JMJD1C: variants seen among roughly 807,000 people sequenced by gnomAD.
JMJD1C encodes jumonji domain-containing protein 1C.
In JMJD1C, 31 loss-of-function variants were observed where a neutral mutation model predicts 245.3. The ratio of observed to expected loss-of-function variants is 0.13; its 90% confidence interval spans 0.09 to 0.17. The LOEUF (loss-of-function observed/expected upper bound fraction) is 0.17. Ranked by LOEUF, JMJD1C falls within the 10% of genes least tolerant of loss-of-function variation. The pLI, the probability that JMJD1C is intolerant of heterozygous loss-of-function variation, is 1.00. For synonymous variants in JMJD1C, 1,057 were observed against 1,017.4 expected, an observed-to-expected ratio of 1.04 and a Z score of -0.74; for missense variants, 2,691 against 3,000.2, an observed-to-expected ratio of 0.90 and a Z score of 2.41.
chr10:63,244,621 A>G (rs1257660137), intron 3 of JMJD1C, among the ~76,000 whole-genome samples: 1 of 152,192 alleles, frequency 6.6e-6, no homozygotes, highest in African/African-American at 2.4e-5. Flanking sequence ...TGAAAAATTC[A>G]AAACAGCTGT....
At chr10:63,414,137 C>A (rs888456805) in intron 1 of JMJD1C, among the ~76,000 whole-genome samples, 1 of 151,880 alleles carries the variant, frequency 6.6e-6, no homozygotes, top group African/African-American at 2.4e-5. Flanking sequence ...CAGGTGTCCG[C>A]CAACACGCCC....
intron 1 of JMJD1C, among the ~76,000 whole-genome samples, chr10:63,439,275 C>T (rs1951226533): frequency 6.6e-6 from 1 of 152,120 alleles, no homozygotes; most frequent in African/African-American, 2.4e-5. Flanking sequence ...GTAGAAACAA[C>T]AGTAAGTTAT....
intron 1 of JMJD1C, among the ~76,000 whole-genome samples, chr10:63,494,994 A>G (rs1001687161): frequency 5.3e-5 from 8 of 152,202 alleles, no homozygotes; most frequent in Non-Finnish European, 1.0e-4. Context: ...CTTCCATACA[A>G]AAGTCAAACA....
chr10:63,284,590 T>A (rs1475342701), intron 2 of JMJD1C, among the ~76,000 whole-genome samples: 1 of 152,170 alleles, frequency 6.6e-6, no homozygotes, highest in African/African-American at 2.4e-5. Flanking sequence ...CACAGTCTGA[T>A]ATAAACAAGA....
intron 14 of JMJD1C, among the ~76,000 whole-genome samples, chr10:63,193,991 CTCTT>C (rs1286664924): frequency 2.6e-5 from 4 of 152,080 alleles, no homozygotes; most frequent in Non-Finnish European, 4.4e-5. Context: ...ATTCTTTTCT[CTCTT>C]TATTAAAAAT....
At chr10:63,348,082 G>T (rs1260491570) in intron 2 of JMJD1C, among the ~76,000 whole-genome samples, 2 of 151,990 alleles carry the variant, frequency 1.3e-5, no homozygotes, top group Non-Finnish European at 2.9e-5. Context: ...CAGGTGTGGT[G>T]GCGCATGCTT....
intron 3 of JMJD1C, among the ~76,000 whole-genome samples, chr10:63,221,072 T>C (rs889938922): frequency 6.8e-6 from 1 of 147,688 alleles, no homozygotes; most frequent in Non-Finnish European, 1.5e-5. Flanking sequence ...ATCACACCAC[T>C]GCACTCCAGC....
At chr10:63,316,367 T>G (rs1314286442) in intron 2 of JMJD1C, among the ~76,000 whole-genome samples, 2 of 152,232 alleles carry the variant, frequency 1.3e-5, no homozygotes, top group East Asian at 1.9e-4. Flanking sequence ...TTTGAGGCAT[T>G]TGGTTATGAT....
intron 1 of JMJD1C, among the ~76,000 whole-genome samples, chr10:63,407,094 A>T (rs1237839623): frequency 1.3e-5 from 2 of 152,172 alleles, no homozygotes; most frequent in African/African-American, 4.8e-5. Flanking sequence ...AAGGTTCAAA[A>T]ATTGAGTAGG....
chr10:63,357,866 C>CACACAGAG (rs1491307054), intron 2 of JMJD1C, among the ~76,000 whole-genome samples: 4 of 137,756 alleles, frequency 2.9e-5, no homozygotes, highest in African/African-American at 1.1e-4. Context: ...CACACACACA[C>CACACAGAG]AGAGACAAAC....
intron 2 of JMJD1C, among the ~76,000 whole-genome samples, chr10:63,327,858 C>T (rs1000530169): frequency 2.0e-5 from 3 of 151,888 alleles, no homozygotes; most frequent in African/African-American, 7.2e-5. Context: ...TTAGTAGAGA[C>T]GGGGTTTTTC....
intron 1 of JMJD1C, among the ~76,000 whole-genome samples, chr10:63,392,759 A>G (rs1490504474): frequency 7.2e-6 from 1 of 139,068 alleles, no homozygotes; most frequent in Non-Finnish European, 1.5e-5. Flanking sequence ...CGGGAGGCAG[A>G]GGTTGCAGTG....
chr10:63,425,850 T>C (rs1484456681), intron 1 of JMJD1C, among the ~76,000 whole-genome samples: 1 of 152,102 alleles, frequency 6.6e-6, no homozygotes, highest in African/African-American at 2.4e-5. Context: ...GCAAATACAT[T>C]CCCCTCAACG....
At chr10:63,507,152 T>C (rs1954743036) in intron 1 of JMJD1C, among the ~76,000 whole-genome samples, 1 of 152,236 alleles carries the variant, frequency 6.6e-6, no homozygotes, top group Non-Finnish European at 1.5e-5. Flanking sequence ...AACTCATTTA[T>C]GCATTTACCT....
At chr10:63,462,963 C>CA (rs979238850) in intron 1 of JMJD1C, among the ~76,000 whole-genome samples, 12 of 152,042 alleles carry the variant, frequency 7.9e-5, no homozygotes, top group Non-Finnish European at 1.8e-4. Context: ...CTTTGAGACA[C>CA]AATATTCCCT....
chr10:63,222,573 A>C, intron 3 of JMJD1C: 6 of 1,592,598 alleles, frequency 3.8e-6, no homozygotes, highest in Non-Finnish European at 5.2e-6. Flanking sequence ...GAACTGTCAG[A>C]ACAAACAAAA....
At chr10:63,171,502 T>C (rs1236726992) in intron 24 of JMJD1C, among the ~76,000 whole-genome samples, 1 of 152,210 alleles carries the variant, frequency 6.6e-6, no homozygotes, top group Non-Finnish European at 1.5e-5. Context: ...AAGAACAGAA[T>C]GTTGTTTCTT....
intron 1 of JMJD1C, chr10:63,521,444 G>T (rs1263670958): frequency 4.0e-5 from 25 of 622,226 alleles, no homozygotes; most frequent in Non-Finnish European, 4.8e-5. Flanking sequence ...CGGCCCCGGG[G>T]AGCGCGAGGA....
intron 3 of JMJD1C, among the ~76,000 whole-genome samples, chr10:63,239,451 AT>A (rs964879507): frequency 2.0e-5 from 3 of 150,036 alleles, no homozygotes; most frequent in African/African-American, 4.9e-5. Context: ...CTACATGTTG[AT>A]TTTTTTTTTG....
Sources: gnomAD v4.1 joint callset for allele counts (sites outside exome capture counted in the v4.1 genomes callset) on GRCh38, gnomAD v4.1.1 for gene constraint, MANE v1.5 for transcripts, NCBI Gene and HGNC (gene_info 2026-07-23, HGNC 2026-07-21) for gene names.